FARSA: variants seen among roughly 807,000 people sequenced by gnomAD.
FARSA encodes phenylalanyl-tRNA synthetase subunit alpha.
In FARSA, 37 loss-of-function variants were observed where a neutral mutation model predicts 63.2. The observed-to-expected ratio is 0.59, with a 90% CI of 0.45 to 0.77. The LOEUF is 0.77. FARSA is among the 30% of genes least tolerant of loss of function. FARSA has a pLI of 0.00. For synonymous variants in FARSA, 312 were observed against 285.1 expected, an observed-to-expected ratio of 1.09 and a Z score of -0.95; for missense variants, 618 against 696.6, an observed-to-expected ratio of 0.89 and a Z score of 1.27.
chr19:12,932,915 G>C (rs1385378382), intron 1 of FARSA: 1 of 152,444 alleles, frequency 6.6e-6, no homozygotes, highest in Non-Finnish European at 1.5e-5. Context: ...GGAAGTGCCA[G>C]CTTCTTCTTT....
chr19:12,928,348 G>T lies in FARSA; in HGVS notation c.835C>A (p.Leu279Ile), dbSNP rs1555757192. The T allele has an allele frequency of 2.5e-6, 4 of 1,613,894 alleles. No homozygotes were observed. The South Asian group carries it at 4.4e-5, about 18-fold the overall frequency. ...PARDQHDTFFLRDPAEALQLP... is the reference protein window; with the variant it reads ...PARDQHDTFFIRDPAEALQLP... ...GCCCTAGGGGCTGACCCACCTCGAA[G>T]GAAGAAGGTGTCGTGCTGGTCACGG... Residue 279 changes from leucine (L) to isoleucine (I), a missense_variant, in exon 7 of 13, where the codon CTT (leucine) becomes ATT (isoleucine). Leu to Ile is a conservative substitution (Grantham distance 5). Coordinates refer to ENST00000314606, the MANE Select transcript of FARSA (RefSeq NM_004461.3).
At chr19:12,930,181 G>A (rs762022336) in intron 4 of FARSA, 42 bp downstream of exon 4, 65 of 1,466,518 alleles carry the variant, frequency 4.4e-5, no homozygotes, top group Middle Eastern at 1.7e-4. Context: ...ACCATGCTTC[G>A]CAGGTGGTGG....
At chr19:12,929,646 T>G (rs548716209) in intron 4 of FARSA, among the ~76,000 whole-genome samples, 2 of 152,310 alleles carry the variant, frequency 1.3e-5, no homozygotes, top group African/African-American at 2.4e-5. Flanking sequence ...GGCTATTTTA[T>G]AGATAAGGAA....
chr19:12,930,633 G>C lies in FARSA; in HGVS notation c.264C>G (p.Gly88=). 6.2e-7 allele frequency: 1 copy of C among 1,612,764 alleles called. No homozygotes were observed. Among genetic ancestry groups the C allele is most frequent in the Non-Finnish European group, 8.5e-7 (1 of 1,179,118 alleles). The change falls in exon 2 of 13, where the codon GGC becomes GGG. Residue 88 remains glycine, a synonymous_variant. Coordinates refer to ENST00000314606, the MANE Select transcript of FARSA (RefSeq NM_004461.3). ...ARVFRSIPPE[G]LAQSELMRLP... is the part of the protein sequence containing the mutation. ...CTACCATAAGCTCGCTCTGGGCCAGGCCCTCTGGGGGAATGCTTCGAAACA... is the reference window on the plus strand; with the variant it reads ...CTACCATAAGCTCGCTCTGGGCCAGCCCCTCTGGGGGAATGCTTCGAAACA...
intron 4 of FARSA, 51 bp from the exon 5 acceptor site, chr19:12,928,898 C>T: frequency 1.3e-6 from 2 of 1,504,194 alleles, no homozygotes; most frequent in South Asian, 2.3e-5. Context: ...TCCTAGAGGA[C>T]TTCCTTGATC....
chr19:12,926,639 G>A (rs1433594396), intron 7 of FARSA, among the ~76,000 whole-genome samples: 1 of 152,094 alleles, frequency 6.6e-6, no homozygotes, highest in African/African-American at 2.4e-5. Flanking sequence ...GCTCACTGCA[G>A]CCTCAAACTC....
rs1173031847 is a variant in FARSA, at chr19:12,933,565, A to G, written c.132T>C (p.Leu44=). ...CCCGGCTCACCTCGCCCAGCGCCTG[A>G]AGGCTCTTCACGGCGCCCACCACCG... ...HQAVVGAVKS[L]QALGEVIEAE... is the part of the protein sequence containing the mutation. The change falls in exon 1 of 13, where the codon CTT becomes CTC. Residue 44 remains leucine (L), a synonymous_variant. Transcript: ENST00000314606. The G allele has an allele frequency of 3.9e-6, 6 of 1,546,172 alleles. No individual in the cohort carries two copies. The highest frequency in any genetic ancestry group is 5.2e-6 in the Non-Finnish European group (6 of 1,150,690).
At position 12,933,657 on chromosome 19, in the gene FARSA, G is replaced by A. The variant is rs1323423825; in HGVS notation, c.40C>T (p.Leu14=). ...GQVAELLLRR[L]EASDGGLDSA... is the part of the protein sequence containing the mutation. ...TCCAGGCCGCCATCAGACGCCTCCA[G>A]CCGCCGGAGCAGCAGTTCCGCCACC... Residue 14 remains leucine, a synonymous_variant, in exon 1 of 13, where the codon CTG becomes TTG. Transcript: ENST00000314606. 1 of 1,568,156 alleles carries A rather than the reference G, an allele frequency of 6.4e-7. No individual in the cohort carries two copies.
At chr19:12,929,550 G>T (rs1971366964) in intron 4 of FARSA, among the ~76,000 whole-genome samples, 1 of 152,052 alleles carries the variant, frequency 6.6e-6, no homozygotes, top group Non-Finnish European at 1.5e-5. Flanking sequence ...GCCCAGGCTG[G>T]CCTTGAATTC....
In FARSA at chr19:12,922,649, C is replaced by T. The variant is rs1427656749; in HGVS notation, c.*99G>A. 10 of 1,493,330 alleles carry T rather than the reference C, an allele frequency of 6.7e-6. No individual in the cohort carries two copies. Among genetic ancestry groups the T allele is most frequent in the Non-Finnish European group, 9.1e-6 (10 of 1,097,194 alleles). 92.5% of individuals were successfully genotyped at this position (1,493,330 alleles called of 1,614,324 possible). A position where few individuals can be genotyped will look rare whatever the true frequency, so the allele number is the denominator to read the frequency against. ...GGGAAAGAGGAAGGTGGGGGCTGGC[C>T]TCACAGAGGCCTCATAAATACAAGG... is the stretch of plus-strand genomic sequence containing the variant. On this transcript the variant is annotated 3_prime_UTR_variant, in exon 13 of 13. Transcript: ENST00000314606.
intron 1 of FARSA, 81 bp from the exon 2 acceptor site, chr19:12,930,830 A>C (rs1971385846): frequency 6.5e-7 from 1 of 1,534,024 alleles, no homozygotes; most frequent in Non-Finnish European, 8.9e-7. Flanking sequence ...GCTGGGTCCC[A>C]GGTTGAAAGC....
chr19:12,928,913 G>T, intron 4 of FARSA, 66 bp from the exon 5 acceptor site: 2 of 1,380,044 alleles, frequency 1.4e-6, no homozygotes, highest in Non-Finnish European at 1.0e-6. Flanking sequence ...TTGATCTCCC[G>T]TCTGATGAGG....
In FARSA at chr19:12,924,108, T is replaced by C. The variant is rs760701066; in HGVS notation, c.1388+43A>G. ...GCAGGCCCCTATACCTGGAGAGTTA[T>C]TTGAGGCAGCTGGACACCCCGAGTT... is the stretch of plus-strand genomic sequence containing the variant. On this transcript the variant is annotated intron_variant, in intron 12 of 12. Coordinates refer to ENST00000314606, the MANE Select transcript of FARSA (RefSeq NM_004461.3). This position sits in a 1 kb window ranked among gnomAD's most constrained non-coding sequence, Gnocchi z 6.4. The C allele has an allele frequency of 4.7e-6, 7 of 1,500,814 alleles. No individual in the cohort carries two copies. In the Admixed American group the frequency reaches 1.2e-4, roughly 25 times the overall value. 93.0% of individuals were successfully genotyped at this position (1,500,814 alleles called of 1,614,324 possible). A position where few individuals can be genotyped will look rare whatever the true frequency, so the allele number is the denominator to read the frequency against.
chr19:12,929,778 C>G (rs1971369209), intron 4 of FARSA, among the ~76,000 whole-genome samples: 1 of 152,206 alleles, frequency 6.6e-6, no homozygotes, highest in Non-Finnish European at 1.5e-5. Flanking sequence ...TGTGTCTGCT[C>G]AAAGGGGACA....
chr19:12,927,005 A>G (rs953027909), intron 7 of FARSA, among the ~76,000 whole-genome samples: 4 of 152,246 alleles, frequency 2.6e-5, no homozygotes, highest in African/African-American at 7.2e-5. Flanking sequence ...CCGGCACCCA[A>G]TGACCTCAAC....
chr19:12,925,052 G>A (rs1971310475), intron 8 of FARSA, 38 bp downstream of exon 8: 1 of 1,612,298 alleles, frequency 6.2e-7, no homozygotes, highest in Non-Finnish European at 8.5e-7. Context: ...GGGGTCCCCA[G>A]CCTCCTTCCC....
chr19:12,924,354 G>A lies in FARSA; in HGVS notation c.1274-89C>T, dbSNP rs1971300137. 4 of 1,534,122 alleles carry A rather than the reference G, an allele frequency of 2.6e-6. No individual in the cohort carries two copies. The highest frequency in any genetic ancestry group is 1.7e-4 in the Middle Eastern group (1 of 5,942). On this transcript the variant is annotated intron_variant, in intron 11 of 12. Transcript: ENST00000314606. This position sits in a 1 kb window ranked among gnomAD's most constrained non-coding sequence, Gnocchi z 6.4. ...GTTCTGGGTCTAGGTGGTGAGCTTG[G>A]GAGGTGGGGTACAGGCATGGCAATG...
chr19:12,929,721 G>A (rs1002851854), intron 4 of FARSA, among the ~76,000 whole-genome samples: 4 of 152,284 alleles, frequency 2.6e-5, no homozygotes, highest in African/African-American at 9.6e-5. Flanking sequence ...GACAGAGCCC[G>A]AACTTCAGTT....
Position 12,933,711 on chromosome 19 carries a change from T to A in FARSA, c.-15A>T. The stretch of plus-strand genomic sequence containing the variant: ...CCATCCGCCATGACTCCTTCCAGTG[T>A]GCTCAGCGTGTCCGGGCCCGGGTGG... On this transcript the variant is annotated 5_prime_UTR_variant, in exon 1 of 13. Coordinates refer to ENST00000314606, the MANE Select transcript of FARSA (RefSeq NM_004461.3). The A allele has an allele frequency of 6.5e-7, 1 of 1,536,344 alleles. No homozygotes were observed. The highest frequency in any genetic ancestry group is 8.8e-7 in the Non-Finnish European group (1 of 1,141,018).
Sources: allele counts gnomAD v4.1 joint callset (sites outside exome capture counted in the v4.1 genomes callset), GRCh38; gene constraint gnomAD v4.1.1; non-coding constraint Gnocchi (gnomAD v3.1); transcripts MANE v1.5; gene names NCBI Gene and HGNC (gene_info 2026-07-23, HGNC 2026-07-21).